DMD: variants seen among roughly 807,000 people sequenced by gnomAD.
DMD encodes the protein mutant dystrophin.
DMD carries 63 observed loss-of-function variants against 330.1 expected under a neutral mutation model. The ratio of observed to expected loss-of-function variants is 0.19; its 90% CI spans 0.16 to 0.24. The LOEUF (loss-of-function observed/expected upper bound fraction) is 0.24. Ranked by LOEUF, DMD falls within the 10% of genes least tolerant of loss-of-function variation. DMD has a pLI of 1.00. For synonymous variants in DMD, 1,223 were observed against 959.8 expected, an observed-to-expected ratio of 1.27 and a Z score of -5.07; for missense variants, 3,344 against 2,684.1, an observed-to-expected ratio of 1.25 and a Z score of -5.43.
At chrX:31,487,905 T>A (rs189194333) in intron 57 of DMD, among the ~76,000 whole-genome samples, 13,838 of 111,181 alleles carry the variant, frequency 0.12, 765 homozygotes, top group Non-Finnish European at 0.16. Context: ...GTTTTTTTTT[T>A]AAAAATCTAA....
intron 1 of DMD, among the ~76,000 whole-genome samples, chrX:33,034,627 C>T (rs1447221288): frequency 1.8e-5 from 2 of 111,836 alleles, no homozygotes; most frequent in African/African-American, 3.2e-5. Context: ...CTATGTGTTC[C>T]GCCAGTTCTA....
At chrX:32,670,527 C>T (rs751524159) in intron 9 of DMD, among the ~76,000 whole-genome samples, 1 of 111,448 alleles carries the variant, frequency 9.0e-6, no homozygotes, top group Admixed American at 9.6e-5. Context: ...TGGTGGTAAA[C>T]CTCATAAATA....
intron 44 of DMD, among the ~76,000 whole-genome samples, chrX:31,988,475 A>AT (rs1226894751): frequency 5.5e-5 from 2 of 36,607 alleles, no homozygotes; most frequent in Non-Finnish European, 8.8e-5. Context: ...CTCCATCTCA[A>AT]AAAAAAAAAA....
intron 1 of DMD, among the ~76,000 whole-genome samples, chrX:33,301,981 T>C (rs1298716844): frequency 4.5e-5 from 5 of 111,916 alleles, no homozygotes; most frequent in Non-Finnish European, 9.4e-5. Context: ...TTTTGAAAAA[T>C]TTTATTTTAA....
chrX:32,655,656 C>A (rs748113904), intron 9 of DMD, among the ~76,000 whole-genome samples: 1 of 111,561 alleles, frequency 9.0e-6, no homozygotes, highest in African/African-American at 3.3e-5. Context: ...CTATGAGGTC[C>A]GCTTGTTGCA....
chrX:32,544,091 C>T (rs979906043), intron 17 of DMD, among the ~76,000 whole-genome samples: 1 of 111,721 alleles, frequency 9.0e-6, no homozygotes, highest in Non-Finnish European at 1.9e-5. Context: ...TGGCAGCATG[C>T]TAAATTTGGT....
chrX:32,455,485 AG>A (rs1205847257), intron 25 of DMD, among the ~76,000 whole-genome samples: 1 of 111,395 alleles, frequency 9.0e-6, no homozygotes, highest in African/African-American at 3.2e-5. Flanking sequence ...GGAAAATCAA[AG>A]TTTTTATACT....
At chrX:32,570,697 T>C (rs974823030) in intron 15 of DMD, among the ~76,000 whole-genome samples, 6 of 111,675 alleles carry the variant, frequency 5.4e-5, no homozygotes, top group Non-Finnish European at 1.1e-4. Flanking sequence ...GATCCTGTGT[T>C]TTTTCTTGAT....
At chrX:31,731,936 A>G (rs149311449) in intron 51 of DMD, among the ~76,000 whole-genome samples, 31 of 111,783 alleles carry the variant, frequency 2.8e-4, no homozygotes, top group African/African-American at 9.7e-4. Context: ...CCTGACCACA[A>G]TGAACAGCTT....
rs199837688 is a variant in DMD at position 31,694,635 on chromosome X, TATATATATATATATAC to T, written c.7661-15065_7661-15050del. Among the ~76,000 whole-genome samples, 695 of 91,044 alleles carry T rather than the reference TATATATATATATATAC, an allele frequency of 7.6e-3. 7 individuals are homozygous for T. The highest frequency in any genetic ancestry group is 0.028 in the African/African-American group (652 of 23,450). 79.1% of individuals were successfully genotyped at this position (91,044 alleles called of 115,157 possible). ...CAAACAGCATATATATATATATATA[TATATATATATATATAC>T]ACACACATATATGTATAATACTCAA... On this transcript the variant is annotated intron_variant, in intron 52 of 78. Transcript: ENST00000357033.
chrX:32,692,632 C>G (rs2063360048), intron 9 of DMD, among the ~76,000 whole-genome samples: 2 of 111,806 alleles, frequency 1.8e-5, no homozygotes, highest in Admixed American at 1.9e-4. Flanking sequence ...TGCATGGTTC[C>G]AAGATTGTTC....
rs535114228 is a variant in DMD at position 32,332,034 on chromosome X, G to A, written c.5922+10066C>T. Among the ~76,000 whole-genome samples, 225 of 111,245 alleles carry A rather than the reference G, an allele frequency of 2.0e-3. 2 individuals are homozygous for A. The highest frequency in any genetic ancestry group is 6.5e-3 in the African/African-American group (201 of 30,718). On this transcript the variant is annotated intron_variant, in intron 41 of 78. Coordinates refer to ENST00000357033, the MANE Select transcript of DMD (RefSeq NM_004006.3). ...ATTATTTGCTTTAACTTAATAGCTT[G>A]TCTTTATTTTTCCCTCTACTATTCA... is the stretch of plus-strand genomic sequence containing the variant.
chrX:33,217,891 A>T (rs2052087082), intron 1 of DMD, among the ~76,000 whole-genome samples: 1 of 111,368 alleles, frequency 9.0e-6, no homozygotes, highest in Non-Finnish European at 1.9e-5. Flanking sequence ...TGGAGACAGT[A>T]TAACTTTTCC....
At chrX:32,524,263 G>C (rs778821341) in intron 17 of DMD, among the ~76,000 whole-genome samples, 2 of 111,818 alleles carry the variant, frequency 1.8e-5, no homozygotes, top group South Asian at 7.4e-4. Context: ...ACTTTTAGAG[G>C]TGTATTTTCC....
chrX:32,615,108 AC>A (rs781008824), intron 11 of DMD, among the ~76,000 whole-genome samples: 1 of 110,882 alleles, frequency 9.0e-6, no homozygotes, highest in African/African-American at 3.3e-5. Flanking sequence ...CCAAGGGGTG[AC>A]CCCCAGCTAT....
At chrX:31,588,627 G>A (rs181350177) in intron 55 of DMD, among the ~76,000 whole-genome samples, 3 of 110,901 alleles carry the variant, frequency 2.7e-5, no homozygotes, top group Admixed American at 1.9e-4. Flanking sequence ...TTTGCATGGC[G>A]TAGTATGTAC....
intron 62 of DMD, among the ~76,000 whole-genome samples, chrX:31,314,310 C>T (rs924120555): frequency 6.2e-5 from 7 of 112,184 alleles, no homozygotes; most frequent in Non-Finnish European, 1.3e-4. Flanking sequence ...TTACAGAAAA[C>T]TCATGAACAA....
intron 55 of DMD, among the ~76,000 whole-genome samples, chrX:31,513,219 C>T (rs931270866): frequency 6.3e-5 from 6 of 94,600 alleles, no homozygotes; most frequent in Middle Eastern, 4.9e-3. Flanking sequence ...TGCTTATCAG[C>T]TTAAGGAGAT....
At chrX:33,148,549 T>C (rs1233579647) in intron 1 of DMD, among the ~76,000 whole-genome samples, 2 of 112,258 alleles carry the variant, frequency 1.8e-5, no homozygotes, top group Non-Finnish European at 1.9e-5. Flanking sequence ...GAATGTTTTC[T>C]AGATATTAAA....
Sources: gnomAD v4.1 joint callset for allele counts (sites outside exome capture counted in the v4.1 genomes callset) on GRCh38, gnomAD v4.1.1 for gene constraint, MANE v1.5 for transcripts, NCBI Gene and HGNC (gene_info 2026-07-23, HGNC 2026-07-21) for gene names.